MANBA: variants seen among roughly 807,000 people sequenced by gnomAD.
The protein encoded by MANBA is mannosidase beta, also known as beta-mannosidase.
In MANBA, 83 loss-of-function variants were observed where a neutral mutation model predicts 111.1. The ratio of observed to expected loss-of-function variants is 0.75; its 90% CI spans 0.63 to 0.90. The LOEUF is 0.90. Among genes scored for constraint, MANBA ranks in the 40% least tolerant of loss-of-function variants. MANBA has a pLI of 0.00. For missense variants in MANBA, 1,036 were observed against 1,069.0 expected (o/e 0.97, Z 0.43); for synonymous variants, 370 against 378.7 (o/e 0.98, Z 0.27).
At chr4:102,749,462 G>A (rs1339461676) in intron 1 of MANBA, among the ~76,000 whole-genome samples, 1 of 152,194 alleles carries the variant, frequency 6.6e-6, no homozygotes, top group Non-Finnish European at 1.5e-5. Context: ...TTTAGCAAAT[G>A]GGGTGCTTTT....
chr4:102,669,172 G>A, intron 9 of MANBA, 123 bp from the exon 10 acceptor site: 1 of 774,400 alleles, frequency 1.3e-6, no homozygotes, highest in Non-Finnish European at 2.3e-6. Context: ...AGCCTGATGA[G>A]TGTGATCACT....
chr4:102,746,971 CA>C (rs575851183), intron 1 of MANBA, among the ~76,000 whole-genome samples: 1,366 of 91,862 alleles, frequency 0.015, 7 homozygotes, highest in Middle Eastern at 0.028. Context: ...GACTCCATCT[CA>C]AAAAAAAAAA....
At chr4:102,728,600 A>G (rs1308144535) in intron 1 of MANBA, 2 of 464,894 alleles carry the variant, frequency 4.3e-6, no homozygotes, top group Admixed American at 3.5e-5. Context: ...AGGCATAGGC[A>G]TGGGGGGTCC....
Position 102,635,052 on chromosome 4 carries a change from A to T in MANBA, c.2158-7T>A. The T allele has an allele frequency of 1.2e-6, 2 of 1,613,924 alleles. No homozygotes were observed. The highest frequency in any genetic ancestry group is 1.7e-5 in the Admixed American group (1 of 60,030). On this transcript the variant is annotated splice_polypyrimidine_tract_variant and splice_region_variant and intron_variant, in intron 15 of 16. Coordinates refer to ENST00000647097, the MANE Select transcript of MANBA (RefSeq NM_005908.4). ...TCCATGTATGGACTCTCACCTGGGG[A>T]GAAATAAAACAGAATAAAAACAGGC...
chr4:102,756,779 T>C lies in MANBA; in HGVS notation c.177+3939A>G, dbSNP rs553483760. ...CTTACTTATCTATATATTTTAATGT[T>C]GGCATACAGAGACTATCTAAAAAAA... On this transcript the variant is annotated intron_variant, in intron 1 of 16. Coordinates refer to ENST00000647097, the MANE Select transcript of MANBA (RefSeq NM_005908.4). Among the ~76,000 whole-genome samples, 639 of 135,088 alleles carry C rather than the reference T, an allele frequency of 4.7e-3. 1 individual carries two copies. Among genetic ancestry groups the C allele is most frequent in the Non-Finnish European group, 7.9e-3 (518 of 65,474 alleles). 88.6% of individuals were successfully genotyped at this position (135,088 alleles called of 152,430 possible).
At chr4:102,749,593 C>T (rs1381405424) in intron 1 of MANBA, among the ~76,000 whole-genome samples, 1 of 152,192 alleles carries the variant, frequency 6.6e-6, no homozygotes, top group African/African-American at 2.4e-5. Context: ...AGGCAGCGTG[C>T]AATGGTGAAA....
rs976763738 is a variant in MANBA at position 102,702,606 on chromosome 4, G to A, written c.673+11832C>T. Among the ~76,000 whole-genome samples the A allele has an allele frequency of 6.3e-4, 96 of 152,228 alleles. 1 individual carries two copies. Among genetic ancestry groups the A allele is most frequent in the African/African-American group, 2.2e-3 (93 of 41,554 alleles). On this transcript the variant is annotated intron_variant, in intron 5 of 16. Transcript: ENST00000647097. The stretch of plus-strand genomic sequence containing the variant: ...GACCCTCAGCTGCAGGTCTGTTGGA[G>A]TTTGCTAGAGGTCCACTCCAGACCC...
chr4:102,719,730 TC>T (rs1722490179), intron 4 of MANBA, among the ~76,000 whole-genome samples: 1 of 152,232 alleles, frequency 6.6e-6, no homozygotes, highest in Non-Finnish European at 1.5e-5. Flanking sequence ...AGGGATTAGC[TC>T]CATGTACAAA....
chr4:102,708,931 C>A (rs938450229), intron 5 of MANBA, among the ~76,000 whole-genome samples: 1 of 151,824 alleles, frequency 6.6e-6, no homozygotes, highest in African/African-American at 2.4e-5. Context: ...AACAGATCAC[C>A]AGAGACTATT....
rs113856260 is a variant in MANBA at position 102,741,867 on chromosome 4, C to T, written c.178-15184G>A. 8.6e-3 allele frequency among the ~76,000 whole-genome samples: 1,302 copies of T among 152,262 alleles called. 14 individuals carry two copies. The highest frequency in any genetic ancestry group is 0.028 in the African/African-American group (1,164 of 41,524). On this transcript the variant is annotated intron_variant, in intron 1 of 16. Coordinates refer to ENST00000647097, the MANE Select transcript of MANBA (RefSeq NM_005908.4). ...TGCAACAAAATCTCAGAAATCACCA[C>T]TGAAGAACTTCATGTTACCAAACAG...
At chr4:102,637,453 G>C (rs1729681050) in intron 14 of MANBA, among the ~76,000 whole-genome samples, 1 of 152,162 alleles carries the variant, frequency 6.6e-6, no homozygotes, top group Non-Finnish European at 1.5e-5. Flanking sequence ...CCAAGAAGCT[G>C]AATGGACAGG....
At chr4:102,643,820 T>C (rs962164599) in intron 13 of MANBA, among the ~76,000 whole-genome samples, 1 of 152,142 alleles carries the variant, frequency 6.6e-6, no homozygotes. Flanking sequence ...TTTGTAAATT[T>C]TTTCTTTCAT....
At chr4:102,673,898 A>G (rs561677292) in intron 8 of MANBA, 21 bp downstream of exon 8, 1 of 1,597,962 alleles carries the variant, frequency 6.3e-7, no homozygotes, top group East Asian at 2.2e-5. Context: ...GAAGAACAAG[A>G]AAAGAAAGAC....
chr4:102,679,185 T>C (rs1042629675), intron 7 of MANBA, among the ~76,000 whole-genome samples: 13 of 152,146 alleles, frequency 8.5e-5, no homozygotes, highest in African/African-American at 2.4e-4. Context: ...AGACATTCTT[T>C]GTCGTGCCCT....
intron 11 of MANBA, among the ~76,000 whole-genome samples, chr4:102,660,025 T>C (rs1405278853): frequency 2.0e-5 from 3 of 152,204 alleles, no homozygotes; most frequent in Admixed American, 2.0e-4. Flanking sequence ...TAGCCACACC[T>C]GCACACTTGA....
chr4:102,760,877 G>A lies in MANBA; in HGVS notation c.18C>T (p.Leu6=), dbSNP rs1396926576. Reference sequence around the variant, plus strand: ...CTGCACCGCACAGCGCGAGCAGCAGGAGCAGGTGGAGGCGCATCTTGAGAT... The same window carrying A: ...CTGCACCGCACAGCGCGAGCAGCAGAAGCAGGTGGAGGCGCATCTTGAGAT... MRLHL[L]LLLALCGAGT... is the part of the protein sequence containing the mutation. Residue 6 remains leucine (L), a synonymous_variant, in exon 1 of 17, where the codon CTC becomes CTT. Coordinates refer to ENST00000647097, the MANE Select transcript of MANBA (RefSeq NM_005908.4). 6.4e-7 allele frequency: 1 copy of A among 1,570,040 alleles called. No homozygotes were observed. Among genetic ancestry groups the A allele is most frequent in the Non-Finnish European group, 8.6e-7 (1 of 1,159,926 alleles).
At chr4:102,660,084 C>T (rs1241117362) in intron 11 of MANBA, among the ~76,000 whole-genome samples, 3 of 152,200 alleles carry the variant, frequency 2.0e-5, no homozygotes, top group African/African-American at 7.2e-5. Context: ...CACATTTCCA[C>T]CTGTGTTGTC....
chr4:102,694,766 G>C (rs777955632), intron 5 of MANBA, among the ~76,000 whole-genome samples: 1 of 152,066 alleles, frequency 6.6e-6, no homozygotes, highest in Non-Finnish European at 1.5e-5. Context: ...AAGAGGACAG[G>C]AATTCTTTAT....
rs774068992 is a variant in MANBA, at chr4:102,634,934, A to G, written c.2269T>C (p.Leu757=). ...VCLYEEPVSE[L]LRRCGNCTRE... ...GTGCAATTCCCACATCTCCTCAGCA[A>G]TTCAGACACTGGCTCCTCATAAAGG... The change falls in exon 16 of 17, where the codon TTG becomes CTG. Residue 757 remains leucine, a synonymous_variant. Transcript: ENST00000647097. 80 of 1,614,148 alleles carry G rather than the reference A, an allele frequency of 5.0e-5. No homozygotes were observed. The South Asian group carries it at 5.3e-4, about 11-fold the overall frequency.
Sources: gnomAD v4.1 joint callset for allele counts (sites outside exome capture counted in the v4.1 genomes callset) on GRCh38, gnomAD v4.1.1 for gene constraint, MANE v1.5 for transcripts, NCBI Gene and HGNC (gene_info 2026-07-23, HGNC 2026-07-21) for gene names.